THSD7B: variants seen among roughly 807,000 people sequenced by gnomAD.
THSD7B encodes thrombospondin type 1 domain containing 7B, also known as thrombospondin type-1 domain-containing protein 7B.
A neutral mutation model predicts 213.6 loss-of-function variants in THSD7B; 138 were observed. The observed-to-expected ratio is 0.65, with a 90% confidence interval of 0.56 to 0.74. The LOEUF is 0.74. THSD7B is among the 30% of genes least tolerant of loss of function. THSD7B has a pLI of 0.00. For missense variants in THSD7B, 1,931 were observed against 1,991.5 expected, an observed-to-expected ratio of 0.97 and a Z score of 0.58; for synonymous variants, 742 against 687.0, an observed-to-expected ratio of 1.08 and a Z score of -1.25.
In THSD7B at chr2:137,457,250, T is replaced by C. The variant is rs1011330494; in HGVS notation, c.3138+6227T>C. On this transcript the variant is annotated intron_variant, in intron 15 of 27. Transcript: ENST00000409968. ...GCAATTTTCCTGTATCTGTTGTCCA[T>C]GTAGTCTTACATTTTACTATATTTT... 2.0e-5 allele frequency among the ~76,000 whole-genome samples: 3 copies of C among 152,342 alleles called. No homozygotes were observed. The South Asian group carries it at 6.2e-4, about 32-fold the overall frequency.
Position 137,563,246 on chromosome 2 carries a change from G to C in THSD7B, c.3164G>C (p.Ser1055Thr). 1 of 1,613,406 alleles carries C rather than the reference G, an allele frequency of 6.2e-7. No homozygotes were observed. Among genetic ancestry groups the C allele is most frequent in the Non-Finnish European group, 8.5e-7 (1 of 1,179,562 alleles). Residue 1055 changes from serine to threonine, a missense_variant, in exon 16 of 28, where the codon AGT becomes ACT. Transcript: ENST00000409968. ...GTACATGAGGCAGTCCCATGTTACA[G>C]TGAGTGCAATCAGTATTCCTGGGTT... The part of the protein sequence containing the change: ...NQVHEAVPCY[S>T]ECNQYSWVVE...
chr2:137,642,672 T>A lies in THSD7B; in HGVS notation c.3945+39T>A, dbSNP rs1389093857. The A allele has an allele frequency of 3.1e-6, 5 of 1,606,286 alleles. No individual in the cohort carries two copies. In the South Asian group the frequency reaches 5.6e-5, roughly 18 times the overall value. On this transcript the variant is annotated intron_variant, in intron 21 of 27. Coordinates refer to ENST00000409968, the MANE Select transcript of THSD7B (RefSeq NM_001316349.2). Reference sequence around the variant, plus strand: ...TGACAGTTAGAGAAATATTCATCAGTATATTCGAAGCACTTGTCTGGTCAA... The same window carrying A: ...TGACAGTTAGAGAAATATTCATCAGAATATTCGAAGCACTTGTCTGGTCAA...
chr2:136,873,021 T>TTAAAAAAAAAAA (rs70975722), intron 1 of THSD7B, among the ~76,000 whole-genome samples: 3 of 43,498 alleles, frequency 6.9e-5, no homozygotes, highest in African/African-American at 9.3e-5. Context: ...AGACTCCATC[T>TTAAAAAAAAAAA]AAAAAAAAAA....
At chr2:137,092,912 A>T (rs1687976516) in intron 3 of THSD7B, among the ~76,000 whole-genome samples, 1 of 152,214 alleles carries the variant, frequency 6.6e-6, no homozygotes, top group East Asian at 1.9e-4. Context: ...TGTTGGGATT[A>T]TAGGCGTAAG....
At chr2:137,524,741 T>C (rs912873395) in intron 15 of THSD7B, among the ~76,000 whole-genome samples, 3 of 152,178 alleles carry the variant, frequency 2.0e-5, no homozygotes, top group African/African-American at 7.2e-5. Flanking sequence ...GGGACAACCT[T>C]AAGACTGTTC....
At chr2:136,963,157 C>A (rs1187075050) in intron 2 of THSD7B, among the ~76,000 whole-genome samples, 4 of 152,154 alleles carry the variant, frequency 2.6e-5, no homozygotes, top group African/African-American at 9.7e-5. Context: ...CCTGGCCCAA[C>A]TCTCTGAAAA....
At chr2:137,610,693 C>A (rs1398794271) in intron 17 of THSD7B, among the ~76,000 whole-genome samples, 4 of 152,118 alleles carry the variant, frequency 2.6e-5, no homozygotes, top group African/African-American at 9.7e-5. Flanking sequence ...TAACTCCATA[C>A]CCATTTCTAT....
At chr2:137,224,233 A>G (rs1376809289) in intron 7 of THSD7B, among the ~76,000 whole-genome samples, 1 of 152,210 alleles carries the variant, frequency 6.6e-6, no homozygotes, top group Non-Finnish European at 1.5e-5. Context: ...CGTTTACTAA[A>G]GGTGTGATCA....
intron 5 of THSD7B, among the ~76,000 whole-genome samples, chr2:137,152,639 A>T (rs1447112592): frequency 2.0e-5 from 3 of 152,228 alleles, no homozygotes; most frequent in East Asian, 1.9e-4. Flanking sequence ...AATGCCTATT[A>T]GCTATTAATA....
At chr2:137,326,575 T>C (rs888145606) in intron 12 of THSD7B, among the ~76,000 whole-genome samples, 2 of 152,210 alleles carry the variant, frequency 1.3e-5, no homozygotes, top group Non-Finnish European at 2.9e-5. Flanking sequence ...CTCTGTTTTT[T>C]AAAAACTCGT....
intron 20 of THSD7B, among the ~76,000 whole-genome samples, chr2:137,624,144 A>C (rs1682576516): frequency 1.3e-5 from 2 of 152,212 alleles, no homozygotes; most frequent in Admixed American, 6.5e-5. Context: ...AGACCAATGG[A>C]ACACAACAGA....
intron 12 of THSD7B, among the ~76,000 whole-genome samples, chr2:137,405,092 G>T (rs1386012521): frequency 2.7e-5 from 4 of 150,392 alleles, no homozygotes; most frequent in African/African-American, 9.8e-5. Context: ...ATTTTAACTG[G>T]TCCCTAAAAA....
chr2:137,344,009 G>A (rs1037746008), intron 12 of THSD7B, among the ~76,000 whole-genome samples: 8 of 151,580 alleles, frequency 5.3e-5, no homozygotes, highest in Non-Finnish European at 1.2e-4. Context: ...GAGAGAAAAA[G>A]GACAATGGTC....
intron 20 of THSD7B, among the ~76,000 whole-genome samples, chr2:137,632,754 C>T (rs1682764940): frequency 6.6e-6 from 1 of 152,162 alleles, no homozygotes; most frequent in Non-Finnish European, 1.5e-5. Flanking sequence ...CCATAAAATA[C>T]CTATCTAAGC....
intron 7 of THSD7B, 26 bp from the exon 8 acceptor site, chr2:137,231,018 A>G: frequency 6.2e-7 from 1 of 1,606,120 alleles, no homozygotes; most frequent in Non-Finnish European, 8.5e-7. Flanking sequence ...ATTAATCACC[A>G]ACTGTCTTGA....
At chr2:137,020,180 C>T (rs1445302861) in intron 2 of THSD7B, among the ~76,000 whole-genome samples, 7 of 152,162 alleles carry the variant, frequency 4.6e-5, no homozygotes, top group African/African-American at 1.4e-4. Flanking sequence ...CTTATCAAGA[C>T]CCTACTAAAA....
chr2:137,201,056 G>C (rs919320495), intron 7 of THSD7B, among the ~76,000 whole-genome samples: 18 of 152,140 alleles, frequency 1.2e-4, no homozygotes, highest in African/African-American at 4.1e-4. Context: ...AAACAGCATT[G>C]TTTCCAAGAT....
At chr2:137,538,905 C>T (rs528319230) in intron 15 of THSD7B, among the ~76,000 whole-genome samples, 9 of 151,622 alleles carry the variant, frequency 5.9e-5, no homozygotes, top group East Asian at 2.0e-4. Flanking sequence ...TCCAAACAGC[C>T]GAGAATTTTA....
At chr2:137,053,586 A>T (rs1401013205) in intron 2 of THSD7B, among the ~76,000 whole-genome samples, 1 of 152,134 alleles carries the variant, frequency 6.6e-6, no homozygotes, top group Non-Finnish European at 1.5e-5. Flanking sequence ...TAAAAAAAAA[A>T]AGAGAATGTC....
Sources: gnomAD v4.1 joint callset for allele counts (sites outside exome capture counted in the v4.1 genomes callset) on GRCh38, gnomAD v4.1.1 for gene constraint, MANE v1.5 for transcripts, NCBI Gene and HGNC (gene_info 2026-07-23, HGNC 2026-07-21) for gene names.